STYK1: variants seen among roughly 807,000 people sequenced by gnomAD.
STYK1 encodes STY kinase 1.
In STYK1, 46 loss-of-function variants were observed where a neutral mutation model predicts 48.1. That is an observed-to-expected ratio of 0.96 (90% CI 0.75 to 1.22). STYK1 has a LOEUF of 1.22. STYK1 is among the 50% of genes most tolerant of loss of function. STYK1 has a pLI of 0.00. For missense variants in STYK1, 527 were observed against 521.1 expected, an observed-to-expected ratio of 1.01 and a Z score of -0.11; for synonymous variants, 188 against 189.0, an observed-to-expected ratio of 0.99 and a Z score of 0.04.
At position 10,629,717 on chromosome 12, in the gene STYK1, C is replaced by A. The variant is rs762030188; in HGVS notation, c.452-43G>T. Reference sequence around the variant, plus strand: ...TCCAGGCAGTGAGCAGTCAGAGCATCCTCGATGAGTGGGAGGCAGGGAGCA... The same window carrying A: ...TCCAGGCAGTGAGCAGTCAGAGCATACTCGATGAGTGGGAGGCAGGGAGCA... On this transcript the variant is annotated intron_variant, in intron 5 of 10. Coordinates refer to ENST00000075503, the MANE Select transcript of STYK1 (RefSeq NM_018423.3). 19 of 1,610,596 alleles carry A rather than the reference C, an allele frequency of 1.2e-5. No homozygotes were observed. In the Admixed American group the frequency reaches 3.0e-4, roughly 25 times the overall value.
chr12:10,626,900 G>A (rs1591676293), intron 7 of STYK1, among the ~76,000 whole-genome samples: 1 of 152,206 alleles, frequency 6.6e-6, no homozygotes, highest in East Asian at 1.9e-4. Context: ...CCAGCTACTC[G>A]GGAGGCTAAG....
At chr12:10,653,900 G>A (rs1168101075) in intron 1 of STYK1, among the ~76,000 whole-genome samples, 1 of 152,144 alleles carries the variant, frequency 6.6e-6, no homozygotes, top group Non-Finnish European at 1.5e-5. Context: ...ACAAGGTTGA[G>A]ATCTACTAGG....
In STYK1 at chr12:10,621,065, A is replaced by G. The variant is rs575644791; in HGVS notation, c.1065-717T>C. Among the ~76,000 whole-genome samples the G allele has an allele frequency of 3.9e-5, 6 of 152,340 alleles. No individual in the cohort carries two copies. The East Asian group carries it at 7.7e-4, about 20-fold the overall frequency. ...AATCTGCTTGATGCAGTAATTATTT[A>G]TCATAAGGAAAACCAAGTGCTGTAA... is the stretch of plus-strand genomic sequence containing the variant. On this transcript the variant is annotated intron_variant, in intron 10 of 10. Transcript: ENST00000075503.
intron 1 of STYK1, among the ~76,000 whole-genome samples, chr12:10,665,436 C>T (rs1297878414): frequency 3.9e-5 from 6 of 152,200 alleles, no homozygotes; most frequent in Non-Finnish European, 8.8e-5. Flanking sequence ...GCACAGAGTT[C>T]AGACACCTCC....
chr12:10,647,547 A>T (rs975962428), intron 1 of STYK1, among the ~76,000 whole-genome samples: 2 of 152,158 alleles, frequency 1.3e-5, no homozygotes, highest in Non-Finnish European at 2.9e-5. Flanking sequence ...CTCAGATGAG[A>T]TGTTGAACTG....
At chr12:10,628,923 G>A (rs993036713) in intron 6 of STYK1, among the ~76,000 whole-genome samples, 2 of 151,908 alleles carry the variant, frequency 1.3e-5, no homozygotes, top group African/African-American at 2.4e-5. Context: ...AAAGATAATT[G>A]TTATATATAA....
chr12:10,621,852 A>T (rs2120587355), intron 10 of STYK1, 24 bp downstream of exon 10: 1 of 1,601,572 alleles, frequency 6.2e-7, no homozygotes, highest in Non-Finnish European at 8.6e-7. Flanking sequence ...ATGAAAGAGG[A>T]GCAGGCCTTT....
chr12:10,622,424 G>T (rs904341533), intron 9 of STYK1, among the ~76,000 whole-genome samples: 10 of 152,076 alleles, frequency 6.6e-5, no homozygotes, highest in African/African-American at 2.4e-4. Context: ...GCAAAAGAAA[G>T]GTAAAAAAGG....
chr12:10,661,925 G>A (rs1389537074), intron 1 of STYK1, among the ~76,000 whole-genome samples: 4 of 152,042 alleles, frequency 2.6e-5, no homozygotes, highest in Admixed American at 1.3e-4. Context: ...TTTTATTATA[G>A]TCACAAAAGT....
chr12:10,630,886 G>T (rs907027687), intron 5 of STYK1, among the ~76,000 whole-genome samples, 159 bp downstream of exon 5: 4 of 151,798 alleles, frequency 2.6e-5, no homozygotes, highest in Admixed American at 1.3e-4. Flanking sequence ...TAAAAAAAAA[G>T]ACACCAAGAA....
intron 1 of STYK1, among the ~76,000 whole-genome samples, chr12:10,650,880 C>G (rs952823552): frequency 2.0e-5 from 3 of 151,968 alleles, no homozygotes; most frequent in African/African-American, 7.3e-5. Context: ...TGGCACACAC[C>G]TGTAGTCTCA....
intron 1 of STYK1, among the ~76,000 whole-genome samples, chr12:10,669,005 G>A (rs1315617648): frequency 6.6e-6 from 1 of 152,070 alleles, no homozygotes; most frequent in Non-Finnish European, 1.5e-5. Flanking sequence ...AAAATGAACT[G>A]GCAAAGGAAG....
Position 10,629,610 on chromosome 12 carries a change from C to T in STYK1, c.516G>A (p.Gly172=), listed in dbSNP as rs1947399186. 1 of 1,614,128 alleles carries T rather than the reference C, an allele frequency of 6.2e-7. No individual in the cohort carries two copies. The highest frequency in any genetic ancestry group is 1.7e-5 in the Admixed American group (1 of 60,012). The change falls in exon 6 of 11, where the codon GGG becomes GGA. Residue 172 remains glycine, a synonymous_variant. Transcript: ENST00000075503. ...CCAGCTGCACCAGGTTTTTGTGTTT[C>T]CCCAGGTATTGATGGAATTGGATTC... ...LGRIQFHQYL[G]KHKNLVQLEG... is the part of the protein sequence containing the mutation.
intron 1 of STYK1, among the ~76,000 whole-genome samples, chr12:10,668,407 C>T (rs1947857256): frequency 6.6e-6 from 1 of 151,542 alleles, no homozygotes; most frequent in Non-Finnish European, 1.5e-5. Flanking sequence ...CAGAGTTTCA[C>T]TCTTGTTGCC....
intron 3 of STYK1, 97 bp from the exon 4 acceptor site, chr12:10,634,221 A>G (rs1591682659): frequency 5.0e-6 from 7 of 1,392,744 alleles, no homozygotes; most frequent in South Asian, 2.7e-5. Flanking sequence ...CTCATCATAC[A>G]TGAAAAGGTC....
intron 10 of STYK1, 128 bp downstream of exon 10, chr12:10,621,748 G>T (rs1355240434): frequency 2.7e-6 from 2 of 732,016 alleles, no homozygotes; most frequent in African/African-American, 3.5e-5. Flanking sequence ...CATGGGTTTG[G>T]TTAAAAGCTG....
chr12:10,669,576 G>GT (rs905904626), intron 1 of STYK1, among the ~76,000 whole-genome samples: 5 of 152,090 alleles, frequency 3.3e-5, no homozygotes, highest in African/African-American at 4.8e-5. Context: ...GCTAGGCAAT[G>GT]TTTTTTTGGA....
chr12:10,634,420 A>T, intron 3 of STYK1, 147 bp downstream of exon 3: 4 of 909,970 alleles, frequency 4.4e-6, no homozygotes, highest in Non-Finnish European at 6.8e-6. Context: ...CTCCCCAAAA[A>T]GACAATGGCC....
At chr12:10,673,344 T>C (rs146001142) in intron 1 of STYK1, among the ~76,000 whole-genome samples, 91 of 151,812 alleles carry the variant, frequency 6.0e-4, no homozygotes, top group African/African-American at 2.2e-3. Context: ...GCCATTGCAC[T>C]CCAGCCTGAG....
Sources: allele counts gnomAD v4.1 joint callset (sites outside exome capture counted in the v4.1 genomes callset), GRCh38; gene constraint gnomAD v4.1.1; transcripts MANE v1.5; gene names NCBI Gene and HGNC (gene_info 2026-07-23, HGNC 2026-07-21).